OOSP2: variants seen among roughly 807,000 people sequenced by gnomAD.
OOSP2 encodes oocyte secreted protein 2, also known as oocyte-secreted protein 2.
OOSP2 carries 7 observed loss-of-function variants against 13.4 expected under a neutral mutation model. The observed-to-expected ratio is 0.52, with a 90% CI of 0.30 to 0.98. The LOEUF (loss-of-function observed/expected upper bound fraction) is 0.98. OOSP2 is among the 50% of genes least tolerant of loss of function. The probability of loss-of-function intolerance (pLI) is 0.07; values close to 1 mark genes in which losing one functional copy is unlikely to be tolerated. For missense variants in OOSP2, 184 were observed against 188.5 expected (o/e 0.98, Z 0.14); for synonymous variants, 75 against 67.2 (o/e 1.12, Z -0.57).
At position 60,047,039 on chromosome 11, in the gene OOSP2, T is replaced by C; in HGVS notation, c.443T>C (p.Leu148Ser). 7.4e-6 allele frequency: 12 copies of C among 1,611,140 alleles called. No homozygotes were observed. The highest frequency in any genetic ancestry group is 1.0e-5 in the Non-Finnish European group (12 of 1,177,530). Residue 148 changes from leucine to serine, a missense_variant, in exon 4 of 4, where the codon TTA (leucine) becomes TCA (serine). Coordinates refer to ENST00000278855, the MANE Select transcript of OOSP2 (RefSeq NM_173801.5). ...IADFQTTAEE[L>S]GLLSSSPNLL ...GACTTTCAGACAACAGCAGAAGAGT[T>C]AGGATTATTATCTTCTAGTCCAAAC...
chr11:60,046,112 G>GT (rs1855004855), intron 3 of OOSP2, among the ~76,000 whole-genome samples: 1 of 149,310 alleles, frequency 6.7e-6, no homozygotes, highest in African/African-American at 2.5e-5. Flanking sequence ...CTGTCTCTCT[G>GT]GTCTGTCCCT....
rs544595461 is a variant in OOSP2 at position 60,046,227 on chromosome 11, C to A, written c.348-717C>A. On this transcript the variant is annotated intron_variant, in intron 3 of 3. Transcript: ENST00000278855. ...TCTCTCTCTGTCTCTCTCTCTTTCT[C>A]CCTGTCTCTCTCCATCTCCATCTCT... Among the ~76,000 whole-genome samples the A allele has an allele frequency of 1.9e-4, 28 of 147,798 alleles. 1 individual carries two copies. The South Asian group carries it at 5.8e-3, about 30-fold the overall frequency.
At chr11:60,040,949 T>G (rs1854921970) in intron 1 of OOSP2, among the ~76,000 whole-genome samples, 1 of 152,220 alleles carries the variant, frequency 6.6e-6, no homozygotes, top group Admixed American at 6.5e-5. Context: ...TGCTGTTTTG[T>G]TCCCTTAAAA....
At chr11:60,041,600 C>A (rs867833000) in intron 1 of OOSP2, among the ~76,000 whole-genome samples, 7 of 152,108 alleles carry the variant, frequency 4.6e-5, no homozygotes, top group African/African-American at 1.7e-4. Flanking sequence ...GTAATCCCAG[C>A]ACTTTGGGAA....
At chr11:60,043,712 A>G (rs1854970793) in intron 2 of OOSP2, 65 bp downstream of exon 2, 5 of 883,560 alleles carry the variant, frequency 5.7e-6, no homozygotes, top group Non-Finnish European at 8.9e-6. Flanking sequence ...CCTAGTATTA[A>G]AATTGTCTTT....
At position 60,043,535 on chromosome 11, in the gene OOSP2, T is replaced by C. The variant is rs773289938; in HGVS notation, c.131T>C (p.Leu44Pro). The change falls in exon 2 of 4, where the codon CTG becomes CCG. Residue 44 changes from leucine (L) to proline (P), a missense_variant. By Grantham distance (98) the Leu-to-Pro change is moderately conservative. Transcript: ENST00000278855. ...SVIPVAESRN[L>P]YIFADELHLG... The stretch of plus-strand genomic sequence containing the variant: ...ATCCCAGTTGCAGAAAGCAGAAATC[T>C]GTATATATTTGCGGATGAATTACAT... The C allele has an allele frequency of 2.5e-6, 4 of 1,612,624 alleles. No homozygotes were observed. In the South Asian group the frequency reaches 4.4e-5, roughly 18 times the overall value.
chr11:60,044,226 A>C (rs1219526699), intron 2 of OOSP2, among the ~76,000 whole-genome samples: 1 of 152,234 alleles, frequency 6.6e-6, no homozygotes, highest in Non-Finnish European at 1.5e-5. Flanking sequence ...ATTTTATTTT[A>C]GAAATTGGGA....
rs574700189 is a variant in OOSP2 at position 60,042,988 on chromosome 11, C to T, written c.65-481C>T. ...GGCGCGATCTTGGTTCACTGCAAGC[C>T]CCGCCTCCTGGGTTCTCGCCGTTCT... On this transcript the variant is annotated intron_variant, in intron 1 of 3. Coordinates refer to ENST00000278855, the MANE Select transcript of OOSP2 (RefSeq NM_173801.5). Among the ~76,000 whole-genome samples the T allele has an allele frequency of 1.7e-3, 265 of 151,994 alleles. 2 individuals are homozygous for T. Among genetic ancestry groups the T allele is most frequent in the African/African-American group, 5.5e-3 (228 of 41,460 alleles).
chr11:60,047,074 G>C lies in OOSP2; in HGVS notation c.*1G>C, dbSNP rs897315983. On this transcript the variant is annotated 3_prime_UTR_variant, in exon 4 of 4. Transcript: ENST00000278855. ...ATCTTCTAGTCCAAACTTGCTCTGA[G>C]CTAAAGGAGAAATGGAAACTTGAAG... is the stretch of plus-strand genomic sequence containing the variant. The C allele has an allele frequency of 4.4e-6, 7 of 1,592,842 alleles. No homozygotes were observed. The highest frequency in any genetic ancestry group is 2.7e-5 in the African/African-American group (2 of 73,696).
At chr11:60,042,333 G>A (rs1250187846) in intron 1 of OOSP2, among the ~76,000 whole-genome samples, 4 of 152,148 alleles carry the variant, frequency 2.6e-5, no homozygotes, top group Non-Finnish European at 2.9e-5. Flanking sequence ...TTTCAAACAC[G>A]TAGAGAGACG....
At chr11:60,044,853 C>T (rs2134640801) in intron 3 of OOSP2, 79 bp downstream of exon 3, 1 of 639,216 alleles carries the variant, frequency 1.6e-6, no homozygotes, top group South Asian at 2.4e-5. Context: ...GAAGCATAGA[C>T]TTTAGAGAAT....
At chr11:60,041,144 A>G (rs1854923784) in intron 1 of OOSP2, among the ~76,000 whole-genome samples, 1 of 152,160 alleles carries the variant, frequency 6.6e-6, no homozygotes. Context: ...TAGCATTTCA[A>G]TATTACTTTT....
intron 1 of OOSP2, among the ~76,000 whole-genome samples, chr11:60,041,247 G>A (rs2134637696): frequency 6.6e-6 from 1 of 152,150 alleles, no homozygotes; most frequent in Admixed American, 6.5e-5. Context: ...TTACCCATTT[G>A]GCCTGTAATA....
Position 60,047,030 on chromosome 11 carries a change from C to G in OOSP2, c.434C>G (p.Ala145Gly), listed in dbSNP as rs373159400. 3.1e-6 allele frequency: 5 copies of G among 1,610,886 alleles called. No homozygotes were observed. The highest frequency in any genetic ancestry group is 4.2e-6 in the Non-Finnish European group (5 of 1,177,188). Residue 145 changes from alanine (A) to glycine (G), a missense_variant, in exon 4 of 4, where the codon GCA becomes GGA. Physicochemically the swap from Ala to Gly is moderately conservative, Grantham distance 60. Coordinates refer to ENST00000278855, the MANE Select transcript of OOSP2 (RefSeq NM_173801.5). ...SPFIADFQTT[A>G]EELGLLSSSP... ...TTTATTGCTGACTTTCAGACAACAG[C>G]AGAAGAGTTAGGATTATTATCTTCT...
At chr11:60,046,235 CTCTCCA>C (rs1055038037) in intron 3 of OOSP2, among the ~76,000 whole-genome samples, 3 of 151,984 alleles carry the variant, frequency 2.0e-5, no homozygotes, top group Non-Finnish European at 4.4e-5. Flanking sequence ...CTCCCTGTCT[CTCTCCA>C]TCTCCATCTC....
At chr11:60,045,767 T>C (rs1288984568) in intron 3 of OOSP2, among the ~76,000 whole-genome samples, 2 of 152,220 alleles carry the variant, frequency 1.3e-5, no homozygotes, top group African/African-American at 4.8e-5. Context: ...ACATTGTTAA[T>C]ACTTTTACTC....
chr11:60,046,870 T>A, intron 3 of OOSP2, 74 bp from the exon 4 acceptor site: 1 of 1,157,156 alleles, frequency 8.6e-7, no homozygotes, highest in Non-Finnish European at 1.3e-6. Context: ...ATGATCATGA[T>A]ATTAAACAGT....
intron 2 of OOSP2, among the ~76,000 whole-genome samples, chr11:60,044,318 T>C (rs2134640329): frequency 6.6e-6 from 1 of 152,332 alleles, no homozygotes; most frequent in East Asian, 1.9e-4. Context: ...CAAACCAGGA[T>C]GAATACTCTC....
chr11:60,043,650 A>T lies in OOSP2; in HGVS notation c.243+3A>T. ...GTGATTGTGGCATCAGGACAAGGGT[A>T]AGAACAGTGATTGTTTGTAAAAAAT... On this transcript the variant is annotated splice_donor_region_variant and intron_variant, in intron 2 of 3. Transcript: ENST00000278855. The T allele has an allele frequency of 6.7e-7, 1 of 1,502,834 alleles. No homozygotes were observed. The highest frequency in any genetic ancestry group is 9.1e-7 in the Non-Finnish European group (1 of 1,093,738). 93.1% of individuals were successfully genotyped at this position (1,502,834 alleles called of 1,614,324 possible). A position where few individuals can be genotyped will look rare whatever the true frequency, so the allele number is the denominator to read the frequency against.
Sources: gnomAD v4.1 joint callset for allele counts (sites outside exome capture counted in the v4.1 genomes callset) on GRCh38, gnomAD v4.1.1 for gene constraint, MANE v1.5 for transcripts, NCBI Gene and HGNC (gene_info 2026-07-23, HGNC 2026-07-21) for gene names.